The following ZNF710 variants were observed in gnomAD, a reference collection of about 807,000 sequenced individuals.
ZNF710 encodes zinc finger protein 710.
Under a neutral mutation model 50.6 loss-of-function variants are expected in ZNF710, and 13 were observed. That is an observed-to-expected ratio of 0.26 (90% confidence interval 0.17 to 0.41). The LOEUF (loss-of-function observed/expected upper bound fraction) is 0.41, where lower values mean the gene tolerates loss of function less well. Ranked by LOEUF, ZNF710 falls within the 10% of genes least tolerant of loss-of-function variation. The pLI is 1.00. For synonymous variants in ZNF710, 383 were observed against 397.0 expected (o/e 0.96, Z 0.42); for missense variants, 721 against 936.6 (o/e 0.77, Z 3.01).
intron 1 of ZNF710, among the ~76,000 whole-genome samples, chr15:90,008,457 T>TATATACACATATATATATACAC (rs1898211077): frequency 1.5e-5 from 2 of 137,734 alleles, no homozygotes; most frequent in African/African-American, 5.5e-5. Context: ...TATATATGTA[T>TATATACACATATATATATACAC]ATATATATAC....
intron 1 of ZNF710, among the ~76,000 whole-genome samples, chr15:90,012,120 G>T (rs1447537608): frequency 6.6e-6 from 1 of 151,762 alleles, no homozygotes; most frequent in African/African-American, 2.4e-5. Context: ...CATGAGAATC[G>T]CTTGAACCCG....
In ZNF710 at chr15:90,067,990, C is replaced by T. The variant is rs1391921464; in HGVS notation, c.853C>T (p.Leu285=). The change falls in exon 2 of 5, where the codon CTG becomes TTG. Residue 285 remains leucine (L), a synonymous_variant. Transcript: ENST00000268154. The surrounding 1 kb of genome is among the most constrained non-coding windows in gnomAD (Gnocchi z 8.1). The part of the protein sequence containing the change: ...DINVQIDDSY[L]VEAGDRQKRW... ...CAACGTGCAGATTGACGACTCCTAT[C>T]TGGTGGAGGCGGGCGACCGCCAGAA... The T allele has an allele frequency of 1.2e-6, 2 of 1,614,190 alleles. No individual in the cohort carries two copies. Among genetic ancestry groups the T allele is most frequent in the Admixed American group, 3.3e-5 (2 of 60,036 alleles).
rs1899268715 is a variant in ZNF710, at chr15:90,040,649, TA to T, written c.-28-26460del. On this transcript the variant is annotated intron_variant, in intron 1 of 4. Transcript: ENST00000268154. The surrounding 1 kb of genome is among the most constrained non-coding windows in gnomAD (Gnocchi z 4.6). The stretch of plus-strand genomic sequence containing the variant: ...TCAGAGTAATATATGCATCTTTTTT[TA>T]CATCAAACAATACTGATGGGCTTCT... Among the ~76,000 whole-genome samples, 1 of 152,056 alleles carries T rather than the reference TA, an allele frequency of 6.6e-6. No individual in the cohort carries two copies. The highest frequency in any genetic ancestry group is 1.5e-5 in the Non-Finnish European group (1 of 68,024).
Position 90,062,510 on chromosome 15 carries a change from C to T in ZNF710, c.-28-4600C>T, listed in dbSNP as rs1900042445. 2.0e-5 allele frequency among the ~76,000 whole-genome samples: 3 copies of T among 152,106 alleles called. No individual in the cohort carries two copies. The South Asian group carries it at 6.2e-4, about 31-fold the overall frequency. On this transcript the variant is annotated intron_variant, in intron 1 of 4. Coordinates refer to ENST00000268154, the MANE Select transcript of ZNF710 (RefSeq NM_198526.4). This position sits in a 1 kb window ranked among gnomAD's most constrained non-coding sequence, Gnocchi z 5.6. ...GCCCTGCTCTAAGAAGGGAGGGGCC[C>T]CAGTGGGGCCCCAGGCGGATGACAG...
intron 1 of ZNF710, among the ~76,000 whole-genome samples, chr15:90,050,649 C>T (rs1899611387): frequency 6.6e-6 from 1 of 152,212 alleles, no homozygotes; most frequent in Non-Finnish European, 1.5e-5. Context: ...GAGGCACACA[C>T]AGACCAAGGT....
At chr15:90,064,975 G>T (rs1474939562) in intron 1 of ZNF710, among the ~76,000 whole-genome samples, 3 of 152,124 alleles carry the variant, frequency 2.0e-5, no homozygotes, top group Admixed American at 6.5e-5. Context: ...GGCACTCGAG[G>T]TCCTCGCTGA....
rs34847310 is a variant in ZNF710 at position 90,056,414 on chromosome 15, C to CA, written c.-28-10686dup. Among the ~76,000 whole-genome samples, 94 of 147,920 alleles carry CA rather than the reference C, an allele frequency of 6.4e-4. 1 individual carries two copies. The East Asian group carries it at 0.013, about 20-fold the overall frequency. ...AGGCAACAAGAGCGAAACTCCGTCT[C>CA]AAAAAAAAAAGAGCTCCAGATTAGT... On this transcript the variant is annotated intron_variant, in intron 1 of 4. Coordinates refer to ENST00000268154, the MANE Select transcript of ZNF710 (RefSeq NM_198526.4).
At chr15:90,063,594 G>A (rs1293729885) in intron 1 of ZNF710, among the ~76,000 whole-genome samples, 5 of 152,096 alleles carry the variant, frequency 3.3e-5, no homozygotes, top group African/African-American at 4.8e-5. Flanking sequence ...ACCTTCTCAA[G>A]TCCAAACTAC....
intron 1 of ZNF710, among the ~76,000 whole-genome samples, chr15:90,018,411 G>A (rs1453517172): frequency 3.3e-5 from 5 of 152,088 alleles, no homozygotes; most frequent in Middle Eastern, 3.4e-3. Context: ...CAGGTGATCC[G>A]CCTACCGTGG....
At chr15:90,060,893 CT>C (rs1443425232) in intron 1 of ZNF710, among the ~76,000 whole-genome samples, 4 of 152,176 alleles carry the variant, frequency 2.6e-5, no homozygotes, top group Non-Finnish European at 4.4e-5. Flanking sequence ...AGAGGTTCAG[CT>C]GCAGGGCTGG....
chr15:90,071,974 T>C (rs1434637861), intron 2 of ZNF710, among the ~76,000 whole-genome samples: 1 of 151,070 alleles, frequency 6.6e-6, no homozygotes, highest in African/African-American at 2.4e-5. Context: ...GTGCCCGGCC[T>C]TTTTCAAATT....
At chr15:90,036,199 C>T (rs933092810) in intron 1 of ZNF710, among the ~76,000 whole-genome samples, 5 of 151,962 alleles carry the variant, frequency 3.3e-5, no homozygotes, top group Admixed American at 6.6e-5. Context: ...ACTCCCCTCC[C>T]GTTCCTCCTT....
chr15:90,030,995 G>A (rs1898925913), intron 1 of ZNF710, among the ~76,000 whole-genome samples: 1 of 124,848 alleles, frequency 8.0e-6, no homozygotes, highest in African/African-American at 3.2e-5. Flanking sequence ...CTCCAGCCTG[G>A]GCGACAGAGC....
At chr15:90,063,977 A>C (rs1014419830) in intron 1 of ZNF710, among the ~76,000 whole-genome samples, 5 of 152,226 alleles carry the variant, frequency 3.3e-5, no homozygotes, top group Non-Finnish European at 7.3e-5. Flanking sequence ...CACGGCTAGT[A>C]GACGGCAGAG....
At chr15:90,027,546 T>A (rs1478811305) in intron 1 of ZNF710, among the ~76,000 whole-genome samples, 1 of 152,052 alleles carries the variant, frequency 6.6e-6, no homozygotes, top group Non-Finnish European at 1.5e-5. Flanking sequence ...TATATATAGA[T>A]TAGTTTTTAA....
At chr15:90,072,642 G>A (rs1394504964) in intron 2 of ZNF710, among the ~76,000 whole-genome samples, 8 of 152,212 alleles carry the variant, frequency 5.3e-5, no homozygotes, top group African/African-American at 7.2e-5. Context: ...CACAGACAGC[G>A]GGCAGACCCT....
chr15:90,009,028 A>G (rs758227326), intron 1 of ZNF710, among the ~76,000 whole-genome samples: 1 of 152,158 alleles, frequency 6.6e-6, no homozygotes, highest in Non-Finnish European at 1.5e-5. Flanking sequence ...AATGGTCACT[A>G]CAGAAAGCAG....
In ZNF710 at chr15:90,059,900, C is replaced by T. The variant is rs1899951291; in HGVS notation, c.-28-7210C>T. 6.6e-6 allele frequency among the ~76,000 whole-genome samples: 1 copy of T among 152,204 alleles called. No homozygotes were observed. Among genetic ancestry groups the T allele is most frequent in the Admixed American group, 6.5e-5 (1 of 15,290 alleles). ...AGGCCTGGAACTTCCTCTTCTCCTCCCACCTGGTTACCTGTCCCGCCCACT... is the reference window on the plus strand; with the variant it reads ...AGGCCTGGAACTTCCTCTTCTCCTCTCACCTGGTTACCTGTCCCGCCCACT... On this transcript the variant is annotated intron_variant, in intron 1 of 4. Transcript: ENST00000268154. This position sits in a 1 kb window ranked among gnomAD's most constrained non-coding sequence, Gnocchi z 4.1.
intron 1 of ZNF710, chr15:90,006,764 T>TGTTAGAGATGC (rs1295514792): frequency 1.3e-5 from 2 of 154,810 alleles, no homozygotes; most frequent in African/African-American, 4.8e-5. Flanking sequence ...CGTTACCTGG[T>TGTTAGAGATGC]AGTGAGTTAG....
Sources: allele counts gnomAD v4.1 joint callset (sites outside exome capture counted in the v4.1 genomes callset), GRCh38; gene constraint gnomAD v4.1.1; non-coding constraint Gnocchi (gnomAD v3.1); transcripts MANE v1.5; gene names NCBI Gene and HGNC (gene_info 2026-07-23, HGNC 2026-07-21).